ARMC9: variants seen among roughly 807,000 people sequenced by gnomAD.
ARMC9 encodes lisH domain-containing protein ARMC9.
ARMC9 carries 94 observed loss-of-function variants against 107.0 expected under a neutral mutation model. The ratio of observed to expected loss-of-function variants is 0.88; its 90% CI spans 0.74 to 1.04. ARMC9 has a LOEUF of 1.04. ARMC9 is among the 50% of genes least tolerant of loss of function. ARMC9 has a pLI of 0.00. For synonymous variants in ARMC9, 380 were observed against 396.9 expected (o/e 0.96, Z 0.51); for missense variants, 942 against 1,030.1 (o/e 0.91, Z 1.17).
chr2:231,271,535 G>C (rs2039327931), intron 13 of ARMC9, among the ~76,000 whole-genome samples: 1 of 152,062 alleles, frequency 6.6e-6, no homozygotes, highest in African/African-American at 2.4e-5. Flanking sequence ...AAAATAACAT[G>C]CCCCCATAAC....
chr2:231,286,404 C>T (rs375550931), intron 17 of ARMC9, among the ~76,000 whole-genome samples: 3 of 152,182 alleles, frequency 2.0e-5, no homozygotes, highest in South Asian at 4.1e-4. Context: ...CGTGAGCCAC[C>T]GCGCCCGGTG....
chr2:231,254,239 A>C (rs1340648965), intron 9 of ARMC9, among the ~76,000 whole-genome samples: 1 of 152,240 alleles, frequency 6.6e-6, no homozygotes, highest in African/African-American at 2.4e-5. Context: ...CTTCTTAAGC[A>C]AGACTGAAAT....
chr2:231,356,205 A>G (rs1455235010), intron 22 of ARMC9, among the ~76,000 whole-genome samples: 1 of 152,184 alleles, frequency 6.6e-6, no homozygotes, highest in East Asian at 1.9e-4. Flanking sequence ...GCCGGCTTTA[A>G]TGTGAAATTT....
chr2:231,360,616 A>C lies in ARMC9; in HGVS notation c.2132-138A>C. On this transcript the variant is annotated intron_variant, in intron 22 of 24. Transcript: ENST00000611582. The surrounding 1 kb of genome is among the most constrained non-coding windows in gnomAD (Gnocchi z 4.7). The stretch of plus-strand genomic sequence containing the variant: ...GCTGCACGAGTAAACAAGTATCCCA[A>C]GCCACAGGCGCCAGGGAGCCCGCAG... The C allele has an allele frequency of 7.3e-7, 1 of 1,372,858 alleles. No individual in the cohort carries two copies. Among genetic ancestry groups the C allele is most frequent in the Non-Finnish European group, 9.9e-7 (1 of 1,006,168 alleles). The allele number at this position is 1,372,858 out of a possible 1,614,324, so 85.0% of individuals were successfully genotyped here. A position where few individuals can be genotyped will look rare whatever the true frequency, so the allele number is the denominator to read the frequency against.
In ARMC9 at chr2:231,356,646, C is replaced by T. The variant is rs141568028; in HGVS notation, c.2131+712C>T. Among the ~76,000 whole-genome samples the T allele has an allele frequency of 3.9e-3, 593 of 152,148 alleles. 6 individuals are homozygous for T. Among genetic ancestry groups the T allele is most frequent in the African/African-American group, 0.013 (540 of 41,510 alleles). ...GACGCTTCCAGGCCCAGGTGCAGAG[C>T]GGTAGCTAGTGACGAGTCAGCACTG... On this transcript the variant is annotated intron_variant, in intron 22 of 24. Coordinates refer to ENST00000611582, the MANE Select transcript of ARMC9 (RefSeq NM_001352754.2).
chr2:231,345,512 T>C (rs1192957196), intron 21 of ARMC9, among the ~76,000 whole-genome samples: 2 of 152,260 alleles, frequency 1.3e-5, no homozygotes, highest in Non-Finnish European at 2.9e-5. Context: ...TTGGAACAAC[T>C]GGATGCTGTT....
intron 1 of ARMC9, among the ~76,000 whole-genome samples, chr2:231,204,478 T>C (rs1215875538): frequency 6.6e-6 from 1 of 152,048 alleles, no homozygotes; most frequent in Non-Finnish European, 1.5e-5. Flanking sequence ...CATCAACCAC[T>C]CTATCTAAAA....
chr2:231,367,663 A>C (rs1389100008), intron 23 of ARMC9, among the ~76,000 whole-genome samples: 1 of 152,168 alleles, frequency 6.6e-6, no homozygotes, highest in Non-Finnish European at 1.5e-5. Flanking sequence ...GATGGTAAAT[A>C]TTATGGATAT....
chr2:231,265,815 C>G (rs2038807981), intron 12 of ARMC9, among the ~76,000 whole-genome samples: 1 of 151,746 alleles, frequency 6.6e-6, no homozygotes, highest in South Asian at 2.1e-4. Flanking sequence ...TGAGACCAGC[C>G]TGGCCAACAT....
rs1331968638 is a variant in ARMC9, at chr2:231,331,790, C to T, written c.1774-3C>T. On this transcript the variant is annotated splice_region_variant and splice_polypyrimidine_tract_variant and intron_variant, in intron 19 of 24. Transcript: ENST00000611582. ...GGCATTCACCCCATGTCTCCTGAAA[C>T]AGGAGGACCATGACATCATGGAAGC... The T allele has an allele frequency of 6.2e-7, 1 of 1,613,516 alleles. No individual in the cohort carries two copies. Among genetic ancestry groups the T allele is most frequent in the Non-Finnish European group, 8.5e-7 (1 of 1,179,572 alleles).
intron 11 of ARMC9, 109 bp downstream of exon 11, chr2:231,259,211 C>A: frequency 1.0e-6 from 1 of 956,990 alleles, no homozygotes; most frequent in Non-Finnish European, 1.5e-6. Context: ...ATCTTTCTTC[C>A]CCGCTGTCTG....
intron 19 of ARMC9, among the ~76,000 whole-genome samples, chr2:231,301,905 G>A (rs909575237): frequency 6.6e-6 from 1 of 152,064 alleles, no homozygotes; most frequent in African/African-American, 2.4e-5. Context: ...TTTGAACCCG[G>A]GAGGTGGAGG....
At chr2:231,329,100 C>T (rs4973384) in intron 19 of ARMC9, among the ~76,000 whole-genome samples, 1 of 151,590 alleles carries the variant, frequency 6.6e-6, no homozygotes, top group African/African-American at 2.4e-5. Context: ...GGATTACAGG[C>T]GTGAGCCACC....
At chr2:231,199,977 T>C (rs981465160) in intron 1 of ARMC9, among the ~76,000 whole-genome samples, 4 of 152,116 alleles carry the variant, frequency 2.6e-5, no homozygotes, top group Admixed American at 2.0e-4. Flanking sequence ...GGATTACAGG[T>C]GTGAGCCACT....
In ARMC9 at chr2:231,243,566, CTT is replaced by C. The variant is rs375554463; in HGVS notation, c.879+3527_879+3528del. ...TGTTATGTTAGCAGCAAAATACAGA[CTT>C]TGTCTAACCACTGGAAACCAGAGGA... On this transcript the variant is annotated intron_variant, in intron 9 of 24. Coordinates refer to ENST00000611582, the MANE Select transcript of ARMC9 (RefSeq NM_001352754.2). 3.3e-3 allele frequency among the ~76,000 whole-genome samples: 497 copies of C among 152,314 alleles called. 4 individuals are homozygous for C. The highest frequency in any genetic ancestry group is 0.011 in the African/African-American group (476 of 41,564).
At chr2:231,347,552 G>A (rs1222554114) in intron 21 of ARMC9, among the ~76,000 whole-genome samples, 2 of 152,152 alleles carry the variant, frequency 1.3e-5, no homozygotes, top group Non-Finnish European at 2.9e-5. Flanking sequence ...TGAATGCTGG[G>A]GGTCTTAGAC....
At chr2:231,239,824 C>G in intron 8 of ARMC9, 119 bp from the exon 9 acceptor site, 1 of 796,736 alleles carries the variant, frequency 1.3e-6, no homozygotes, top group Non-Finnish European at 2.1e-6. Flanking sequence ...GCTTACATAC[C>G]TCATCATCAT....
intron 21 of ARMC9, among the ~76,000 whole-genome samples, chr2:231,353,844 G>A (rs979916483): frequency 4.6e-5 from 7 of 152,076 alleles, no homozygotes; most frequent in African/African-American, 1.7e-4. Flanking sequence ...CCTGCCACAA[G>A]CATCAGAGCC....
intron 9 of ARMC9, among the ~76,000 whole-genome samples, chr2:231,249,280 G>A (rs562936119): frequency 1.3e-5 from 2 of 152,284 alleles, no homozygotes; most frequent in East Asian, 1.9e-4. Context: ...ATAAGCTTGT[G>A]AACTGCCATC....
Sources: allele counts gnomAD v4.1 joint callset (sites outside exome capture counted in the v4.1 genomes callset), GRCh38; gene constraint gnomAD v4.1.1; non-coding constraint Gnocchi (gnomAD v3.1); transcripts MANE v1.5; gene names NCBI Gene and HGNC (gene_info 2026-07-23, HGNC 2026-07-21).